The following HECTD4 variants were observed in gnomAD, a reference collection of about 807,000 sequenced individuals.
HECTD4 encodes the protein HECT domain E3 ubiquitin protein ligase 4.
Under a neutral mutation model 471.5 loss-of-function variants are expected in HECTD4, and 114 were observed. That is an observed-to-expected ratio of 0.24 (90% confidence interval 0.21 to 0.28). The LOEUF (loss-of-function observed/expected upper bound fraction) is 0.28. Ranked by LOEUF, HECTD4 falls within the 10% of genes least tolerant of loss-of-function variation. HECTD4 has a pLI of 1.00. For synonymous variants in HECTD4, 2,012 were observed against 2,256.0 expected (o/e 0.89, Z 3.07); for missense variants, 3,866 against 5,651.5 (o/e 0.68, Z 10.13).
Position 112,190,136 on chromosome 12 carries a change from C to T in HECTD4, c.9472+650G>A, listed in dbSNP as rs10850008. On this transcript the variant is annotated intron_variant, in intron 60 of 75. Coordinates refer to ENST00000682272, the MANE Select transcript of HECTD4 (RefSeq NM_001388303.1). ...GCCTGAAGAAATTATACAGTAAACA[C>T]CTGTGCACTTACCAGCTAGATTCCA... Among the ~76,000 whole-genome samples, 8,430 of 152,260 alleles carry T rather than the reference C, an allele frequency of 0.055. 1,288 individuals are homozygous for T. In the East Asian group the frequency reaches 0.61, roughly 11 times the overall value.
At chr12:112,351,629 G>A (rs2036249422) in intron 1 of HECTD4, among the ~76,000 whole-genome samples, 1 of 152,110 alleles carries the variant, frequency 6.6e-6, no homozygotes, top group South Asian at 2.1e-4. Flanking sequence ...AAATTTCTAG[G>A]CAAGGGGTAA....
intron 60 of HECTD4, 41 bp downstream of exon 60, chr12:112,190,745 C>A (rs1156685974): frequency 1.3e-6 from 2 of 1,517,708 alleles, no homozygotes; most frequent in Non-Finnish European, 1.8e-6. Context: ...GCCAGCTCCA[C>A]CCCCACCCTA....
chr12:112,309,375 A>G (rs971252055), intron 5 of HECTD4, among the ~76,000 whole-genome samples, 186 bp downstream of exon 5: 1 of 152,226 alleles, frequency 6.6e-6, no homozygotes, highest in Non-Finnish European at 1.5e-5. Context: ...GCTAAAATGC[A>G]TTAACAGAAC....
chr12:112,239,987 G>C lies in HECTD4; in HGVS notation c.4999C>G (p.Gln1667Glu), dbSNP rs1304027207. 1.2e-6 allele frequency: 2 copies of C among 1,613,804 alleles called. No individual in the cohort carries two copies. Among genetic ancestry groups the C allele is most frequent in the South Asian group, 1.1e-5 (1 of 91,080 alleles). ...GTCATGGTCTCGCCAAAGGCTTCCTGGACCTGCTCGACCATCCCACCACAT... is the reference window on the plus strand; with the variant it reads ...GTCATGGTCTCGCCAAAGGCTTCCTCGACCTGCTCGACCATCCCACCACAT... ...LTCGGMVEQV[Q>E]EAFGETMTSV... Residue 1667 changes from glutamine (Q) to glutamate (E), a missense_variant, in exon 33 of 76, where the codon CAG (glutamine) becomes GAG (glutamate). This residue lies in a region of HECTD4 where 229 missense variants were observed against 386.4 expected (regional missense o/e 0.59). Coordinates refer to ENST00000682272, the MANE Select transcript of HECTD4 (RefSeq NM_001388303.1). This position sits in a 1 kb window ranked among gnomAD's most constrained non-coding sequence, Gnocchi z 4.9.
chr12:112,272,583 G>A (rs1275610817), intron 11 of HECTD4, among the ~76,000 whole-genome samples: 1 of 152,218 alleles, frequency 6.6e-6, no homozygotes, highest in African/African-American at 2.4e-5. Flanking sequence ...ATCTTTGCAT[G>A]TGTATGCAGA....
Position 112,193,677 on chromosome 12 carries a change from G to C in HECTD4, c.8750-3C>G. ...CGAGCTGGAGCTGATGGTGCCGTCT[G>C]GGGACGGAAAGGAAACAGAAGTTGA... On this transcript the variant is annotated splice_polypyrimidine_tract_variant and splice_region_variant and intron_variant, in intron 56 of 75. Transcript: ENST00000682272. The surrounding 1 kb of genome is among the most constrained non-coding windows in gnomAD (Gnocchi z 5.2). 1.2e-6 allele frequency: 2 copies of C among 1,609,048 alleles called. No homozygotes were observed. The highest frequency in any genetic ancestry group is 1.7e-6 in the Non-Finnish European group (2 of 1,177,644).
intron 1 of HECTD4, among the ~76,000 whole-genome samples, chr12:112,336,479 C>T (rs2035960852): frequency 6.6e-6 from 1 of 151,574 alleles, no homozygotes; most frequent in Admixed American, 6.6e-5. Flanking sequence ...GCCGAGATCG[C>T]TCCACTGCAC....
intron 1 of HECTD4, among the ~76,000 whole-genome samples, chr12:112,363,422 A>G (rs2036495171): frequency 6.6e-6 from 1 of 152,066 alleles, no homozygotes. Context: ...AGGTACTGCT[A>G]CTCAATAAAA....
Position 112,162,095 on chromosome 12 carries a change from T to C in HECTD4, c.*292A>G, listed in dbSNP as rs2030710681. The C allele has an allele frequency of 6.3e-6, 2 of 319,418 alleles. No individual in the cohort carries two copies. The highest frequency in any genetic ancestry group is 9.4e-4 in the Middle Eastern group (1 of 1,062). 19.8% of individuals were successfully genotyped at this position (319,418 alleles called of 1,614,324 possible). A position where few individuals can be genotyped will look rare whatever the true frequency, so the allele number is the denominator to read the frequency against. On this transcript the variant is annotated 3_prime_UTR_variant, in exon 76 of 76. Coordinates refer to ENST00000682272, the MANE Select transcript of HECTD4 (RefSeq NM_001388303.1). The surrounding 1 kb of genome is among the most constrained non-coding windows in gnomAD (Gnocchi z 5.2). ...GGGGCCTTATGGCATTAGAATCTGG[T>C]GGCCATGAGGGACAATGTCCAAGAA...
intron 1 of HECTD4, among the ~76,000 whole-genome samples, chr12:112,339,882 C>T (rs772024746): frequency 5.9e-5 from 9 of 152,060 alleles, no homozygotes; most frequent in Non-Finnish European, 1.0e-4. Context: ...AACCCCGCCT[C>T]TACAAAATAT....
intron 37 of HECTD4, 42 bp from the exon 38 acceptor site, chr12:112,233,127 A>T (rs1477056531): frequency 6.5e-7 from 1 of 1,541,508 alleles, no homozygotes; most frequent in Non-Finnish European, 8.8e-7. Context: ...CCTTACAGGC[A>T]CTGCCAAAAG....
intron 60 of HECTD4, 29 bp from the exon 61 acceptor site, chr12:112,185,522 T>G (rs1183002580): frequency 6.7e-7 from 1 of 1,496,338 alleles, no homozygotes; most frequent in African/African-American, 1.4e-5. Flanking sequence ...GTAACAGTAA[T>G]TACTATGCAG....
chr12:112,163,516 G>C lies in HECTD4; in HGVS notation c.12897+26C>G. On this transcript the variant is annotated intron_variant, in intron 74 of 75. Transcript: ENST00000682272. This position sits in a 1 kb window ranked among gnomAD's most constrained non-coding sequence, Gnocchi z 8.2. ...CACGCCTGGGGCTCACCACCTCCCC[G>C]CCCAGCCTGGCCCTGGGATGTCTAC... 1.7e-5 allele frequency: 25 copies of C among 1,447,092 alleles called. No homozygotes were observed. Among genetic ancestry groups the C allele is most frequent in the Non-Finnish European group, 2.3e-5 (25 of 1,095,676 alleles). The allele number at this position is 1,447,092 out of a possible 1,614,324, so 89.6% of individuals were successfully genotyped here. A position where few individuals can be genotyped will look rare whatever the true frequency, so the allele number is the denominator to read the frequency against.
intron 2 of HECTD4, among the ~76,000 whole-genome samples, chr12:112,314,810 A>C (rs541231717): frequency 6.6e-6 from 1 of 152,352 alleles, no homozygotes; most frequent in South Asian, 2.1e-4. Context: ...TTCCCCTGGC[A>C]TAAAAGTTCA....
rs900028207 is a variant in HECTD4 at position 112,166,008 on chromosome 12, C to G, written c.12534+1309G>C. On this transcript the variant is annotated intron_variant, in intron 72 of 75. Transcript: ENST00000682272. The surrounding 1 kb of genome is among the most constrained non-coding windows in gnomAD (Gnocchi z 4.6). ...AGAGCACTTCTTCCTAGTATGCACC[C>G]CACAACACCATGTGGTTCTGCATCC... is the stretch of plus-strand genomic sequence containing the variant. Among the ~76,000 whole-genome samples, 1 of 152,210 alleles carries G rather than the reference C, an allele frequency of 6.6e-6. No individual in the cohort carries two copies. The highest frequency in any genetic ancestry group is 1.5e-5 in the Non-Finnish European group (1 of 68,032).
chr12:112,339,618 A>G (rs1444905644), intron 1 of HECTD4, among the ~76,000 whole-genome samples: 1 of 152,042 alleles, frequency 6.6e-6, no homozygotes, highest in Admixed American at 6.6e-5. Flanking sequence ...GTGTGTATTT[A>G]AAATGGCTAC....
chr12:112,327,054 G>A (rs185450448), intron 1 of HECTD4, among the ~76,000 whole-genome samples: 156 of 152,236 alleles, frequency 1.0e-3, no homozygotes, highest in African/African-American at 3.5e-3. Flanking sequence ...TGGGCCAGGC[G>A]CGGTGGCTCA....
In HECTD4 at chr12:112,243,460, G is replaced by A; in HGVS notation, c.4851C>T (p.Arg1617=). Residue 1617 remains arginine, a synonymous_variant, in exon 32 of 76, where the codon CGC becomes CGT. Transcript: ENST00000682272. This position sits in a 1 kb window ranked among gnomAD's most constrained non-coding sequence, Gnocchi z 6.6. The part of the protein sequence containing the change: ...AQTRWRRGNT[R]KQALVHMREL... ...CCCGCATGTGCACCAGTGCCTGCTTGCGAGTGTTTCCCCGCCGCCACCTTG... is the reference window on the plus strand; with the variant it reads ...CCCGCATGTGCACCAGTGCCTGCTTACGAGTGTTTCCCCGCCGCCACCTTG... The A allele has an allele frequency of 6.2e-7, 1 of 1,609,216 alleles. No homozygotes were observed. The highest frequency in any genetic ancestry group is 8.5e-7 in the Non-Finnish European group (1 of 1,177,896).
In HECTD4 at chr12:112,173,428, C is replaced by T. The variant is rs552479254; in HGVS notation, c.11595-567G>A. 4.5e-3 allele frequency among the ~76,000 whole-genome samples: 677 copies of T among 151,900 alleles called. 2 individuals are homozygous for T. The highest frequency in any genetic ancestry group is 7.0e-3 in the Non-Finnish European group (475 of 67,946). ...TTTTTGAGATGGAGTCTCGCTCTAT[C>T]GCCCAGGCTGGAGTGCAGTGGTGCG... On this transcript the variant is annotated intron_variant, in intron 66 of 75. Coordinates refer to ENST00000682272, the MANE Select transcript of HECTD4 (RefSeq NM_001388303.1). The surrounding 1 kb of genome is among the most constrained non-coding windows in gnomAD (Gnocchi z 4.3).
Sources: allele counts gnomAD v4.1 joint callset (sites outside exome capture counted in the v4.1 genomes callset), GRCh38; gene constraint gnomAD v4.1.1; regional missense constraint gnomAD v4.1.1; non-coding constraint Gnocchi (gnomAD v3.1); transcripts MANE v1.5; gene names NCBI Gene and HGNC (gene_info 2026-07-23, HGNC 2026-07-21).